Variants in ITGAE observed in about 807,000 individuals in gnomAD.
ITGAE encodes the protein integrin alpha-E.
In ITGAE, 99 loss-of-function variants were observed where a neutral mutation model predicts 136.5. The observed-to-expected ratio is 0.73, with a 90% CI of 0.62 to 0.86. The LOEUF (loss-of-function observed/expected upper bound fraction) is 0.86, where lower values mean the gene tolerates loss of function less well. ITGAE is among the 40% of genes least tolerant of loss of function. The probability of loss-of-function intolerance (pLI) is 0.00; values close to 1 mark genes in which losing one functional copy is unlikely to be tolerated. For missense variants in ITGAE, 1,447 were observed against 1,515.3 expected (o/e 0.95, Z 0.75); for synonymous variants, 613 against 591.8 (o/e 1.04, Z -0.52).
At chr17:3,759,205 A>T (rs984921212) in intron 8 of ITGAE, among the ~76,000 whole-genome samples, 197 bp downstream of exon 8, 1 of 151,656 alleles carries the variant, frequency 6.6e-6, no homozygotes, top group Non-Finnish European at 1.5e-5. Context: ...GCTCTCCTGC[A>T]TCTCACAAGA....
rs373132997 is a variant in ITGAE at position 3,730,628 on chromosome 17, G to A, written c.2834+476C>T. 11 of 181,702 alleles carry A rather than the reference G, an allele frequency of 6.1e-5. 1 individual carries two copies. Among genetic ancestry groups the A allele is most frequent in the Non-Finnish European group, 1.2e-5 (1 of 84,826 alleles). The allele number at this position is 181,702 out of a possible 1,614,324, so 11.3% of individuals were successfully genotyped here. On this transcript the variant is annotated intron_variant, in intron 23 of 30. Transcript: ENST00000263087. The stretch of plus-strand genomic sequence containing the variant: ...TGGGGGCTGTCCTGTACTGCTCTGC[G>A]TGATGTTTGGCAGTATTCCTGGCCT...
chr17:3,752,089 G>A (rs1040575928), intron 14 of ITGAE, among the ~76,000 whole-genome samples: 3 of 151,716 alleles, frequency 2.0e-5, no homozygotes, highest in East Asian at 1.9e-4. Context: ...CAGGATGCAC[G>A]CTCGCTGGGC....
rs369774751 is a variant in ITGAE at position 3,755,142 on chromosome 17, C to A, written c.1359G>T (p.Ala453=). ...LNQTAAAAAD[A]EAAQYSYLGY... ...CCAGGTAGCTGTACTGCGCAGCCTC[C>A]GCGTCTGCCGCCGCCGCCGCTGTCT... Residue 453 remains alanine, a synonymous_variant, in exon 12 of 31, where the codon GCG becomes GCT. Transcript: ENST00000263087. 6.8e-7 allele frequency: 1 copy of A among 1,463,978 alleles called. No homozygotes were observed. 90.7% of individuals were successfully genotyped at this position (1,463,978 alleles called of 1,614,324 possible).
rs2053186092 is a variant in ITGAE at position 3,798,963 on chromosome 17, A to C, written c.34+2148T>G. Among the ~76,000 whole-genome samples, 1 of 152,150 alleles carries C rather than the reference A, an allele frequency of 6.6e-6. No individual in the cohort carries two copies. Among genetic ancestry groups the C allele is most frequent in the South Asian group, 2.1e-4 (1 of 4,834 alleles). On this transcript the variant is annotated intron_variant, in intron 1 of 30. Coordinates refer to ENST00000263087, the MANE Select transcript of ITGAE (RefSeq NM_002208.5). The surrounding 1 kb of genome is among the most constrained non-coding windows in gnomAD (Gnocchi z 4.3). ...AACTGCTATTATTCCGTCTGCTGCC[A>C]CAAATAAGAAGTAGGCATCACCAGA... is the stretch of plus-strand genomic sequence containing the variant.
intron 26 of ITGAE, chr17:3,724,973 G>A (rs1359161397): frequency 6.2e-7 from 1 of 1,614,154 alleles, no homozygotes; most frequent in East Asian, 2.2e-5. Context: ...AGGAGGCAAC[G>A]GAAACCTCTC....
rs2053191707 is a variant in ITGAE, at chr17:3,799,204, C to G, written c.34+1907G>C. 6.6e-6 allele frequency among the ~76,000 whole-genome samples: 1 copy of G among 152,158 alleles called. No individual in the cohort carries two copies. Among genetic ancestry groups the G allele is most frequent in the Non-Finnish European group, 1.5e-5 (1 of 68,018 alleles). On this transcript the variant is annotated intron_variant, in intron 1 of 30. Transcript: ENST00000263087. This position sits in a 1 kb window ranked among gnomAD's most constrained non-coding sequence, Gnocchi z 4.1. ...ACGCCACCTCACCTCCTCCAGGAAA[C>G]TCTCCTGGACTGGCCCATCCTAGTC...
chr17:3,768,886 G>A (rs375700910), intron 2 of ITGAE, among the ~76,000 whole-genome samples: 1 of 152,166 alleles, frequency 6.6e-6, no homozygotes, highest in Non-Finnish European at 1.5e-5. Flanking sequence ...AGTAAGTGTT[G>A]AGTGACTATT....
chr17:3,796,094 C>CGT (rs575168664), intron 1 of ITGAE, among the ~76,000 whole-genome samples: 30 of 81,854 alleles, frequency 3.7e-4, no homozygotes, highest in Admixed American at 6.2e-4. Context: ...TGTATGCATC[C>CGT]GTGTGTGTGC....
At position 3,794,820 on chromosome 17, in the gene ITGAE, G is replaced by T. The variant is rs1269479350; in HGVS notation, c.34+6291C>A. Among the ~76,000 whole-genome samples, 4 of 152,236 alleles carry T rather than the reference G, an allele frequency of 2.6e-5. No individual in the cohort carries two copies. The East Asian group carries it at 7.7e-4, about 29-fold the overall frequency. ...GCGAGCTGCCAACATGTTACGAGGGGTGGGTGGGGGGCCTTCTTCCCCCCG... is the reference window on the plus strand; with the variant it reads ...GCGAGCTGCCAACATGTTACGAGGGTTGGGTGGGGGGCCTTCTTCCCCCCG... On this transcript the variant is annotated intron_variant, in intron 1 of 30. Coordinates refer to ENST00000263087, the MANE Select transcript of ITGAE (RefSeq NM_002208.5).
intron 10 of ITGAE, among the ~76,000 whole-genome samples, chr17:3,756,694 C>T (rs576266028): frequency 6.6e-6 from 1 of 152,338 alleles, no homozygotes; most frequent in East Asian, 1.9e-4. Context: ...CGTGAGCCAC[C>T]ACACCTGGCC....
chr17:3,753,545 A>G (rs943396162), intron 13 of ITGAE, 115 bp from the exon 14 acceptor site: 41 of 1,326,966 alleles, frequency 3.1e-5, no homozygotes, highest in African/African-American at 2.8e-4. Flanking sequence ...TTACATATCA[A>G]TTTGCTCACT....
intron 6 of ITGAE, 144 bp downstream of exon 6, chr17:3,760,869 G>T: frequency 8.1e-7 from 1 of 1,228,382 alleles, no homozygotes. Context: ...AAGAAAGAGT[G>T]GGTGGAGCTG....
At chr17:3,725,347 G>A in intron 26 of ITGAE, 5 of 1,614,230 alleles carry the variant, frequency 3.1e-6, no homozygotes, top group Non-Finnish European at 4.2e-6. Flanking sequence ...AGTCAGAAGG[G>A]TCCTGTCCCC....
At chr17:3,785,996 T>C (rs1367919468) in intron 1 of ITGAE, among the ~76,000 whole-genome samples, 1 of 151,584 alleles carries the variant, frequency 6.6e-6, no homozygotes, top group African/African-American at 2.4e-5. Context: ...TGAAACCCCG[T>C]CTCTACTGAA....
At chr17:3,769,159 C>G (rs978381941) in intron 2 of ITGAE, among the ~76,000 whole-genome samples, 1 of 152,124 alleles carries the variant, frequency 6.6e-6, no homozygotes, top group Non-Finnish European at 1.5e-5. Context: ...AGGTGCAGGC[C>G]TGGACCCGCC....
intron 2 of ITGAE, among the ~76,000 whole-genome samples, chr17:3,765,860 C>T (rs2052285875): frequency 6.6e-6 from 1 of 152,156 alleles, no homozygotes; most frequent in South Asian, 2.1e-4. Flanking sequence ...CCTAGTGATC[C>T]CTTCCAAGCC....
intron 2 of ITGAE, among the ~76,000 whole-genome samples, chr17:3,767,991 C>T (rs1354067200): frequency 3.3e-5 from 5 of 152,130 alleles, no homozygotes; most frequent in African/African-American, 1.2e-4. Context: ...ACAGATTCTC[C>T]CCCAGAGCTT....
At chr17:3,751,573 G>C in intron 15 of ITGAE, 77 bp downstream of exon 15, 1 of 1,383,302 alleles carries the variant, frequency 7.2e-7, no homozygotes, top group Non-Finnish European at 1.0e-6. Context: ...GACTGAAGCC[G>C]ACTTGGGGCT....
At chr17:3,733,683 A>C (rs2051397752) in intron 21 of ITGAE, among the ~76,000 whole-genome samples, 1 of 152,222 alleles carries the variant, frequency 6.6e-6, no homozygotes, top group South Asian at 2.1e-4. Flanking sequence ...GGCCTCCCAA[A>C]GTGCTGGGAT....
Sources: allele counts gnomAD v4.1 joint callset (sites outside exome capture counted in the v4.1 genomes callset), GRCh38; gene constraint gnomAD v4.1.1; non-coding constraint Gnocchi (gnomAD v3.1); transcripts MANE v1.5; gene names NCBI Gene and HGNC (gene_info 2026-07-23, HGNC 2026-07-21).